The following ZNF679 variants were observed in gnomAD, a reference collection of about 807,000 sequenced individuals.
ZNF679 encodes the protein hypothetical protein MGC42415.
ZNF679 carries 10 observed loss-of-function variants against 13.4 expected under a neutral mutation model. The observed-to-expected ratio is 0.75, with a 90% CI of 0.46 to 1.27. The LOEUF is 1.27. Ranked by LOEUF, ZNF679 falls within the 50% of genes most tolerant of loss-of-function variation. The pLI, the probability that ZNF679 is intolerant of heterozygous loss-of-function variation, is 0.00. For synonymous variants in ZNF679, 179 were observed against 162.5 expected (o/e 1.10, Z -0.77); for missense variants, 525 against 477.8 (o/e 1.10, Z -0.92).
intron 1 of ZNF679, among the ~76,000 whole-genome samples, chr7:64,243,312 G>A (rs766565751): frequency 1.9e-4 from 29 of 152,148 alleles, no homozygotes; most frequent in Non-Finnish European, 4.0e-4. Flanking sequence ...GAGACTAGGA[G>A]GGAGAGTCCC....
chr7:64,229,685 A>G (rs1787609872), intron 1 of ZNF679, among the ~76,000 whole-genome samples: 1 of 152,058 alleles, frequency 6.6e-6, no homozygotes, highest in Admixed American at 6.6e-5. Context: ...GGAAATGCAG[A>G]CCCTTACCTG....
intron 1 of ZNF679, among the ~76,000 whole-genome samples, chr7:64,240,672 T>C (rs1226231944): frequency 2.0e-5 from 3 of 152,186 alleles, no homozygotes; most frequent in Non-Finnish European, 2.9e-5. Context: ...TTGTCATATG[T>C]AGATGCAGCC....
chr7:64,246,647 C>T (rs1047643501), intron 1 of ZNF679, among the ~76,000 whole-genome samples: 4 of 151,870 alleles, frequency 2.6e-5, no homozygotes, highest in Admixed American at 6.6e-5. Context: ...CTCTTGAACC[C>T]GGGAGGCAGA....
intron 1 of ZNF679, among the ~76,000 whole-genome samples, chr7:64,247,777 C>T (rs562053723): frequency 9.2e-5 from 14 of 152,028 alleles, no homozygotes; most frequent in African/African-American, 3.1e-4. Flanking sequence ...ATCTCAAACT[C>T]CTGACTTCAG....
At chr7:64,230,004 A>T (rs1787615438) in intron 1 of ZNF679, among the ~76,000 whole-genome samples, 1 of 152,196 alleles carries the variant, frequency 6.6e-6, no homozygotes, top group South Asian at 2.1e-4. Context: ...AAATGTCACA[A>T]TTCCCACTGT....
At chr7:64,230,519 G>A (rs1166560982) in intron 1 of ZNF679, among the ~76,000 whole-genome samples, 2 of 141,404 alleles carry the variant, frequency 1.4e-5, no homozygotes, top group East Asian at 2.1e-4. Context: ...TGGCCTGGGC[G>A]ACAGAGCGAG....
chr7:64,264,101 A>G (rs144191028), intron 4 of ZNF679, among the ~76,000 whole-genome samples: 2,253 of 152,088 alleles, frequency 0.015, 66 homozygotes, highest in Admixed American at 0.075. Context: ...TTCCTAGTAA[A>G]TGGACTTATT....
At chr7:64,229,179 TA>T (rs1433809666) in intron 1 of ZNF679, among the ~76,000 whole-genome samples, 2 of 152,256 alleles carry the variant, frequency 1.3e-5, no homozygotes, top group Admixed American at 6.5e-5. Flanking sequence ...GTCAGAATCT[TA>T]CCTGTGGTCA....
chr7:64,243,809 A>T (rs924911261), intron 1 of ZNF679, among the ~76,000 whole-genome samples: 19 of 152,354 alleles, frequency 1.2e-4, no homozygotes, highest in Middle Eastern at 6.8e-3. Flanking sequence ...AAAGGTCCAG[A>T]GATAAAATTT....
chr7:64,236,813 A>G (rs1357186100), intron 1 of ZNF679, among the ~76,000 whole-genome samples: 2 of 151,406 alleles, frequency 1.3e-5, no homozygotes, highest in Non-Finnish European at 2.9e-5. Context: ...AAAAAGAAAG[A>G]AAGAAAGAGA....
Position 64,260,265 on chromosome 7 carries a change from G to A in ZNF679, c.84G>A (p.Glu28=), listed in dbSNP as rs1375553912. 3.7e-6 allele frequency: 6 copies of A among 1,612,000 alleles called. No homozygotes were observed. In the East Asian group the frequency reaches 1.1e-4, roughly 30 times the overall value. Residue 28 remains glutamate (E), a synonymous_variant, in exon 3 of 5, where the codon GAG becomes GAA. Transcript: ENST00000421025. ...ATGTAGTCATAGAATTCTCTCTGGAGGAGTGGCAATGCCTGGATCACGCTC... is the reference window on the plus strand; with the variant it reads ...ATGTAGTCATAGAATTCTCTCTGGAAGAGTGGCAATGCCTGGATCACGCTC... ...FRDVVIEFSL[E]EWQCLDHAQQ...
intron 4 of ZNF679, among the ~76,000 whole-genome samples, chr7:64,265,042 TTA>T (rs1491554673): frequency 3.3e-5 from 5 of 152,116 alleles, no homozygotes; most frequent in African/African-American, 1.2e-4. Context: ...ATGGATTATC[TTA>T]TGTTTTTAAA....
chr7:64,245,995 A>C (rs2116524330), intron 1 of ZNF679, among the ~76,000 whole-genome samples: 1 of 152,300 alleles, frequency 6.6e-6, no homozygotes, highest in South Asian at 2.1e-4. Flanking sequence ...AACAAGAGCG[A>C]GACTCCGTCT....
chr7:64,236,973 GAAAAAGAAAGAAAGAAAGAAAGAAAGAA>G (rs200672282), intron 1 of ZNF679, among the ~76,000 whole-genome samples: 8,135 of 53,542 alleles, frequency 0.15, 719 homozygotes, highest in Middle Eastern at 0.18. Context: ...AAGAAAGAAA[GAAAAAGAAAGAAAGAAAGAAAGAAAGAA>G]AAAGAAAGAA....
chr7:64,245,954 C>A (rs539166489), intron 1 of ZNF679, among the ~76,000 whole-genome samples: 1 of 152,242 alleles, frequency 6.6e-6, no homozygotes, highest in South Asian at 2.1e-4. Flanking sequence ...TGCAGTGAGC[C>A]AAGATCTCAC....
intron 4 of ZNF679, among the ~76,000 whole-genome samples, chr7:64,263,611 A>G (rs1393196065): frequency 6.6e-6 from 1 of 152,174 alleles, no homozygotes; most frequent in Non-Finnish European, 1.5e-5. Flanking sequence ...CTTGGTAATC[A>G]TAGAGTTCTC....
intron 1 of ZNF679, 132 bp from the exon 2 acceptor site, chr7:64,248,896 G>A (rs1450400091): frequency 1.5e-6 from 1 of 650,578 alleles, no homozygotes; most frequent in Non-Finnish European, 2.6e-6. Flanking sequence ...GTCACTCAGG[G>A]CGTGAAGGGT....
At chr7:64,242,039 G>T (rs1787805679) in intron 1 of ZNF679, among the ~76,000 whole-genome samples, 1 of 152,196 alleles carries the variant, frequency 6.6e-6, no homozygotes, top group South Asian at 2.1e-4. Context: ...CCTCAACAGT[G>T]CACTGGCTCT....
At chr7:64,244,078 G>C (rs1397787811) in intron 1 of ZNF679, among the ~76,000 whole-genome samples, 1 of 151,966 alleles carries the variant, frequency 6.6e-6, no homozygotes, top group Non-Finnish European at 1.5e-5. Flanking sequence ...GGTGAAACTT[G>C]GTCTCTAATA....
Sources: allele counts gnomAD v4.1 joint callset (sites outside exome capture counted in the v4.1 genomes callset), GRCh38; gene constraint gnomAD v4.1.1; transcripts MANE v1.5; gene names NCBI Gene and HGNC (gene_info 2026-07-23, HGNC 2026-07-21).